Variants in CACNA1C observed in about 807,000 individuals in gnomAD.
CACNA1C encodes the protein calcium voltage-gated channel subunit alpha1 C.
A neutral mutation model predicts 229.0 loss-of-function variants in CACNA1C; 30 were observed. The observed-to-expected ratio is 0.13, with a 90% CI of 0.10 to 0.18. The LOEUF (loss-of-function observed/expected upper bound fraction) is 0.18, where lower values mean the gene tolerates loss of function less well. Among genes scored for constraint, CACNA1C ranks in the 10% least tolerant of loss-of-function variants. The pLI, the probability that CACNA1C is intolerant of heterozygous loss-of-function variation, is 1.00. For synonymous variants in CACNA1C, 1,114 were observed against 1,132.5 expected, an observed-to-expected ratio of 0.98 and a Z score of 0.33; for missense variants, 1,658 against 2,845.0, an observed-to-expected ratio of 0.58 and a Z score of 9.49.
chr12:1,996,047 T>C (rs1258364005), intron 1 of CACNA1C, among the ~76,000 whole-genome samples: 5 of 152,198 alleles, frequency 3.3e-5, no homozygotes, highest in Non-Finnish European at 7.3e-5. Context: ...TTCAAAATAT[T>C]GTCATTTTTA....
chr12:2,162,617 A>G lies in CACNA1C; in HGVS notation c.477+42187A>G, dbSNP rs761620677. On this transcript the variant is annotated intron_variant, in intron 3 of 46. Coordinates refer to ENST00000399655, the MANE Select transcript of CACNA1C (RefSeq NM_000719.7). ...GGAGACCTAGAGACGGGGCAGAGAG[A>G]GGAAAGGACGTGCCCCCGTGAATAG... 5.3e-5 allele frequency among the ~76,000 whole-genome samples: 8 copies of G among 152,064 alleles called. No homozygotes were observed. In the South Asian group the frequency reaches 8.3e-4, roughly 16 times the overall value.
At chr12:2,061,055 G>A (rs888911958) in intron 1 of CACNA1C, among the ~76,000 whole-genome samples, 1 of 151,520 alleles carries the variant, frequency 6.6e-6, no homozygotes, top group Non-Finnish European at 1.5e-5. Flanking sequence ...CTGTAGGCTA[G>A]AGAAATGACT....
intron 3 of CACNA1C, among the ~76,000 whole-genome samples, chr12:2,370,578 A>C (rs1204936799): frequency 6.6e-6 from 1 of 152,268 alleles, no homozygotes; most frequent in Non-Finnish European, 1.5e-5. Flanking sequence ...TATGGACAGC[A>C]TATGAATTTG....
chr12:2,020,944 A>G (rs2046336578), intron 1 of CACNA1C, among the ~76,000 whole-genome samples: 1 of 152,190 alleles, frequency 6.6e-6, no homozygotes, highest in African/African-American at 2.4e-5. Context: ...ACTTCTGCTC[A>G]GTGGCCAGGA....
chr12:2,368,992 G>A lies in CACNA1C; in HGVS notation c.478-79984G>A, dbSNP rs143784676. On this transcript the variant is annotated intron_variant, in intron 3 of 46. Coordinates refer to ENST00000399655, the MANE Select transcript of CACNA1C (RefSeq NM_000719.7). ...ACAAACAACCAGGAAACAGCCTCTA[G>A]TAATGATATTTGTTGGGGCATAAAA... is the stretch of plus-strand genomic sequence containing the variant. 6.3e-3 allele frequency among the ~76,000 whole-genome samples: 966 copies of A among 152,280 alleles called. 5 individuals are homozygous for A. The highest frequency in any genetic ancestry group is 8.3e-3 in the Non-Finnish European group (564 of 68,022).
rs1437546826 is a variant in CACNA1C at position 2,678,457 on chromosome 12, A to G, written c.5091+590A>G. Among the ~76,000 whole-genome samples, 2 of 152,158 alleles carry G rather than the reference A, an allele frequency of 1.3e-5. No homozygotes were observed. The highest frequency in any genetic ancestry group is 2.9e-5 in the Non-Finnish European group (2 of 68,018). Reference sequence around the variant, plus strand: ...CAATAGTGAAAATTAAAACGGCTGTACCAGAATAAGGGGCGTTTATCACTC... The same window carrying G: ...CAATAGTGAAAATTAAAACGGCTGTGCCAGAATAAGGGGCGTTTATCACTC... On this transcript the variant is annotated intron_variant, in intron 41 of 46. Coordinates refer to ENST00000399655, the MANE Select transcript of CACNA1C (RefSeq NM_000719.7). The surrounding 1 kb of genome is among the most constrained non-coding windows in gnomAD (Gnocchi z 4.1).
At chr12:2,223,977 C>T (rs2154353522) in intron 3 of CACNA1C, among the ~76,000 whole-genome samples, 1 of 152,240 alleles carries the variant, frequency 6.6e-6, no homozygotes, top group Non-Finnish European at 1.5e-5. Context: ...CACACAAAAT[C>T]CCATCGGAGT....
chr12:2,312,537 A>G (rs2095493576), intron 3 of CACNA1C, among the ~76,000 whole-genome samples: 1 of 152,208 alleles, frequency 6.6e-6, no homozygotes, highest in African/African-American at 2.4e-5. Flanking sequence ...GTGTCCCGCC[A>G]GAACCTCCTC....
At chr12:2,255,323 G>C (rs1041097381) in intron 3 of CACNA1C, among the ~76,000 whole-genome samples, 4 of 152,142 alleles carry the variant, frequency 2.6e-5, no homozygotes, top group Non-Finnish European at 4.4e-5. Flanking sequence ...CCAGGTGTGG[G>C]AGTTCTCAGT....
At chr12:1,973,415 ACT>A (rs2033184322) in intron 1 of CACNA1C, among the ~76,000 whole-genome samples, 1 of 151,984 alleles carries the variant, frequency 6.6e-6, no homozygotes, top group South Asian at 2.1e-4. Flanking sequence ...AACAAACAAA[ACT>A]CTCTGAATTA....
At position 2,651,501 on chromosome 12, in the gene CACNA1C, G is replaced by A. The variant is rs927720215; in HGVS notation, c.3946-139G>A. On this transcript the variant is annotated intron_variant, in intron 31 of 46. Transcript: ENST00000399655. The surrounding 1 kb of genome is among the most constrained non-coding windows in gnomAD (Gnocchi z 5.4). ...TAAAGTGGGCGGCCGCCCTCCCATCGGAGGGGGAAGTCTAGTGCAGCAAAC... is the reference window on the plus strand; with the variant it reads ...TAAAGTGGGCGGCCGCCCTCCCATCAGAGGGGGAAGTCTAGTGCAGCAAAC... 3.9e-5 allele frequency: 51 copies of A among 1,308,520 alleles called. No homozygotes were observed. The highest frequency in any genetic ancestry group is 1.2e-4 in the East Asian group (5 of 43,154). The allele number at this position is 1,308,520 out of a possible 1,614,324, so 81.1% of individuals were successfully genotyped here. A position where few individuals can be genotyped will look rare whatever the true frequency, so the allele number is the denominator to read the frequency against.
Position 2,639,512 on chromosome 12 carries a change from A to G in CACNA1C, c.3912+5132A>G. Among the ~76,000 whole-genome samples, 1 of 152,228 alleles carries G rather than the reference A, an allele frequency of 6.6e-6. No homozygotes were observed. The highest frequency in any genetic ancestry group is 1.9e-4 in the East Asian group (1 of 5,198). ...AACATTCCCAAGTTGTCAATGAAGA[A>G]GCCTTGATTATGCTTCCAGCTCTGG... On this transcript the variant is annotated intron_variant, in intron 30 of 46. Coordinates refer to ENST00000399655, the MANE Select transcript of CACNA1C (RefSeq NM_000719.7). This position sits in a 1 kb window ranked among gnomAD's most constrained non-coding sequence, Gnocchi z 4.2.
intron 9 of CACNA1C, among the ~76,000 whole-genome samples, chr12:2,521,604 C>T (rs552073162): frequency 2.2e-4 from 33 of 152,220 alleles, no homozygotes; most frequent in Non-Finnish European, 2.9e-5. Flanking sequence ...TTCATCTTCC[C>T]AGTTCCCCAG....
At chr12:2,392,448 C>G (rs1049016161) in intron 3 of CACNA1C, among the ~76,000 whole-genome samples, 8 of 152,210 alleles carry the variant, frequency 5.3e-5, no homozygotes, top group Non-Finnish European at 1.0e-4. Context: ...GGCACCTAAG[C>G]AGACCTTGTC....
chr12:2,208,112 A>T (rs534149517), intron 3 of CACNA1C, among the ~76,000 whole-genome samples: 1 of 152,262 alleles, frequency 6.6e-6, no homozygotes. Flanking sequence ...GGAATTTCAG[A>T]CTTTAGCAGT....
At chr12:2,086,367 A>G (rs540430145) in intron 1 of CACNA1C, among the ~76,000 whole-genome samples, 1 of 152,354 alleles carries the variant, frequency 6.6e-6, no homozygotes, top group East Asian at 1.9e-4. Flanking sequence ...TACTGGCCAT[A>G]TAATTCCATT....
At chr12:2,281,171 CCTTCACATATAGTACGGGAA>C (rs2091144412) in intron 3 of CACNA1C, among the ~76,000 whole-genome samples, 1 of 148,580 alleles carries the variant, frequency 6.7e-6, no homozygotes, top group Non-Finnish European at 1.5e-5. Context: ...TTACTAAACC[CCTTCACATATAGTACGGGAA>C]CTTCACAATA....
chr12:2,477,942 C>A (rs2099639095), intron 5 of CACNA1C, among the ~76,000 whole-genome samples: 2 of 151,928 alleles, frequency 1.3e-5, no homozygotes, highest in African/African-American at 4.8e-5. Flanking sequence ...GCTTATGAAG[C>A]ATGTCTTGAA....
intron 3 of CACNA1C, among the ~76,000 whole-genome samples, chr12:2,223,020 A>G (rs562682409): frequency 6.6e-6 from 1 of 152,262 alleles, no homozygotes; most frequent in African/African-American, 2.4e-5. Flanking sequence ...GAAATGTCAC[A>G]ATCTTTACAT....
Sources: gnomAD v4.1 joint callset for allele counts (sites outside exome capture counted in the v4.1 genomes callset) on GRCh38, gnomAD v4.1.1 for gene constraint, Gnocchi (gnomAD v3.1) non-coding constraint, MANE v1.5 for transcripts, NCBI Gene and HGNC (gene_info 2026-07-23, HGNC 2026-07-21) for gene names.